The following BLTP1 variants were observed in gnomAD, a reference collection of about 807,000 sequenced individuals.
BLTP1 encodes the protein bridge-like lipid transfer protein family member 1.
the BLTP1 span, among the ~76,000 whole-genome samples, chr4:122,186,453 C>T: frequency 3.3e-5 from 5 of 151,792 alleles, no homozygotes; most frequent in South Asian, 2.1e-4. Context: ...TACTTTTCTC[C>T]GTATTAATAA....
chr4:122,222,989 A>G, the BLTP1 span: 45 of 957,466 alleles, frequency 4.7e-5, no homozygotes, highest in Admixed American at 6.2e-5. Context: ...AAAAAATTTC[A>G]TAAAAATTTT....
chr4:122,193,335 T>C, the BLTP1 span, among the ~76,000 whole-genome samples: 1 of 152,068 alleles, frequency 6.6e-6, no homozygotes, highest in African/African-American at 2.4e-5. Flanking sequence ...GGCTGTTTGG[T>C]TGAGGTAACG....
chr4:122,182,351 G>A, the BLTP1 span, among the ~76,000 whole-genome samples: 3 of 152,190 alleles, frequency 2.0e-5, no homozygotes, highest in East Asian at 5.8e-4. Context: ...GCACTCCCCT[G>A]CCCTCCCCTG....
the BLTP1 span, chr4:122,243,710 C>CT: frequency 9.8e-7 from 1 of 1,024,024 alleles, no homozygotes. Flanking sequence ...GAGTGAGACT[C>CT]TATCTCAAAG....
At chr4:122,334,494 C>A in the BLTP1 span, 1 of 1,612,624 alleles carries the variant, frequency 6.2e-7, no homozygotes, top group Non-Finnish European at 8.5e-7. Context: ...TTCCACTGTC[C>A]AGAGCAAGAC....
the BLTP1 span, chr4:122,209,965 A>T: frequency 6.3e-7 from 1 of 1,590,226 alleles, no homozygotes; most frequent in Non-Finnish European, 8.6e-7. Flanking sequence ...TACAGCTGCT[A>T]TTATGATTGA....
At chr4:122,222,698 T>C in the BLTP1 span, among the ~76,000 whole-genome samples, 1 of 152,202 alleles carries the variant, frequency 6.6e-6, no homozygotes, top group South Asian at 2.1e-4. Context: ...TGCCTGCATG[T>C]CCCACTTTTT....
the BLTP1 span, chr4:122,331,286 C>T: frequency 6.4e-7 from 1 of 1,560,216 alleles, no homozygotes; most frequent in African/African-American, 1.4e-5. Context: ...AAAGAACTCT[C>T]ATTTTACTAC....
the BLTP1 span, among the ~76,000 whole-genome samples, chr4:122,160,892 A>G: frequency 3.9e-5 from 6 of 152,338 alleles, no homozygotes; most frequent in Non-Finnish European, 7.4e-5. Context: ...ATCTGAAGAT[A>G]ATTTGTTACA....
At chr4:122,207,530 T>TTTCTTTTTTAGTG in the BLTP1 span, 1 of 1,553,756 alleles carries the variant, frequency 6.4e-7, no homozygotes. Context: ...TTTTTTTTTT[T>TTTCTTTTTTAGTG]TCTTTTGTAG....
At chr4:122,286,754 T>C in the BLTP1 span, 3 of 1,613,680 alleles carry the variant, frequency 1.9e-6, no homozygotes, top group South Asian at 1.1e-5. Context: ...GGTTACTATT[T>C]ACAGGGAAAT....
the BLTP1 span, chr4:122,298,713 GAAGTT>G: frequency 7.1e-6 from 3 of 424,690 alleles, no homozygotes. Context: ...GATGAATGAA[GAAGTT>G]AAGTAGTATA....
the BLTP1 span, chr4:122,286,478 A>C: frequency 1.3e-6 from 2 of 1,585,816 alleles, no homozygotes; most frequent in Non-Finnish European, 1.7e-6. Context: ...TTTTTGGAAA[A>C]AGTGAGGAAT....
At chr4:122,221,988 T>TG in the BLTP1 span, 780,253 of 783,164 alleles carry the variant, frequency 1, 388,742 homozygotes, top group South Asian at 1. Flanking sequence ...TATAGAGGTA[T>TG]GCAAACTTGT....
chr4:122,167,170 T>C, the BLTP1 span, among the ~76,000 whole-genome samples: 1 of 152,206 alleles, frequency 6.6e-6, no homozygotes, highest in Non-Finnish European at 1.5e-5. Context: ...ATACGGTACA[T>C]AAATACATTT....
chr4:122,235,173 C>T, the BLTP1 span: 1 of 834,032 alleles, frequency 1.2e-6, no homozygotes, highest in Admixed American at 3.3e-5. Context: ...TTGTTTTGCA[C>T]ATGACTTAAC....
chr4:122,291,308 G>A, the BLTP1 span, among the ~76,000 whole-genome samples: 11 of 152,268 alleles, frequency 7.2e-5, no homozygotes, highest in East Asian at 7.7e-4. Flanking sequence ...GCCTGATGGC[G>A]CATAGGCATT....
At chr4:122,355,763 A>G in the BLTP1 span, 1 of 1,550,134 alleles carries the variant, frequency 6.5e-7, no homozygotes, top group Non-Finnish European at 8.8e-7. Flanking sequence ...CTATTGTTTT[A>G]ATTTGACTCT....
chr4:122,226,660 G>T, the BLTP1 span: 1 of 1,608,748 alleles, frequency 6.2e-7, no homozygotes. Flanking sequence ...CTAAACCCTT[G>T]TTTAGAATGC....
Sources: gnomAD v4.1 joint callset for allele counts (sites outside exome capture counted in the v4.1 genomes callset) on GRCh38, gnomAD v4.1.1 for gene constraint, MANE v1.5 for transcripts, NCBI Gene and HGNC (gene_info 2026-07-23, HGNC 2026-07-21) for gene names.